Variants in MED13L observed in about 807,000 individuals in gnomAD.
The protein encoded by MED13L is mediator of RNA polymerase II transcription subunit 13-like.
Under a neutral mutation model 220.9 loss-of-function variants are expected in MED13L, and 7 were observed. The observed-to-expected ratio is 0.03, with a 90% CI of 0.02 to 0.06. The LOEUF (loss-of-function observed/expected upper bound fraction) is 0.06. Among genes scored for constraint, MED13L ranks in the 10% least tolerant of loss-of-function variants. MED13L has a pLI of 1.00. For synonymous variants in MED13L, 1,011 were observed against 1,015.2 expected (o/e 1.00, Z 0.08); for missense variants, 1,965 against 2,760.5 (o/e 0.71, Z 6.46).
At chr12:116,054,588 A>G (rs1216662727) in intron 4 of MED13L, among the ~76,000 whole-genome samples, 2 of 152,316 alleles carry the variant, frequency 1.3e-5, no homozygotes, top group South Asian at 2.1e-4. Flanking sequence ...TTTCATGTAA[A>G]CATTAATAAC....
intron 14 of MED13L, among the ~76,000 whole-genome samples, chr12:115,997,802 T>G (rs758337222): frequency 1.3e-5 from 2 of 152,198 alleles, no homozygotes; most frequent in Non-Finnish European, 2.9e-5. Flanking sequence ...TCTACATAAC[T>G]TGTATGTTTC....
At chr12:116,034,153 T>C (rs1881029386) in intron 4 of MED13L, among the ~76,000 whole-genome samples, 1 of 152,166 alleles carries the variant, frequency 6.6e-6, no homozygotes, top group Non-Finnish European at 1.5e-5. Context: ...TCTCTGTGTA[T>C]ACCTCAATCA....
At position 115,987,292 on chromosome 12, in the gene MED13L, G is replaced by A. The variant is rs1488364446; in HGVS notation, c.3935-4C>T. The A allele has an allele frequency of 6.2e-7, 1 of 1,611,774 alleles. No individual in the cohort carries two copies. Among genetic ancestry groups the A allele is most frequent in the Non-Finnish European group, 8.5e-7 (1 of 1,179,508 alleles). On this transcript the variant is annotated splice_polypyrimidine_tract_variant and splice_region_variant and intron_variant, in intron 17 of 30. Coordinates refer to ENST00000281928, the MANE Select transcript of MED13L (RefSeq NM_015335.5). Reference sequence around the variant, plus strand: ...GAGAGCATGCTGATGTCCAGCACTGGAAGAGAAGTGAGAAGAAACAGAGAA... The same window carrying A: ...GAGAGCATGCTGATGTCCAGCACTGAAAGAGAAGTGAGAAGAAACAGAGAA...
chr12:116,064,846 T>C (rs1284983250), intron 4 of MED13L, among the ~76,000 whole-genome samples: 3 of 152,168 alleles, frequency 2.0e-5, no homozygotes, highest in Non-Finnish European at 4.4e-5. Context: ...CTATAAATGG[T>C]ATGAGGACAA....
At chr12:116,245,498 CA>C (rs1359285528) in intron 1 of MED13L, among the ~76,000 whole-genome samples, 1 of 151,934 alleles carries the variant, frequency 6.6e-6, no homozygotes, top group East Asian at 1.9e-4. Context: ...ATTACAGAAA[CA>C]AAAACAAATG....
At chr12:116,061,265 T>C (rs969516577) in intron 4 of MED13L, among the ~76,000 whole-genome samples, 3 of 152,234 alleles carry the variant, frequency 2.0e-5, no homozygotes, top group African/African-American at 7.2e-5. Flanking sequence ...TATTATAAAA[T>C]TGTTGTATTT....
At position 116,152,674 on chromosome 12, in the gene MED13L, A is replaced by G. The variant is rs1393666056; in HGVS notation, c.311-41162T>C. 2.6e-5 allele frequency among the ~76,000 whole-genome samples: 4 copies of G among 152,200 alleles called. 1 individual carries two copies. The South Asian group carries it at 8.3e-4, about 31-fold the overall frequency. On this transcript the variant is annotated intron_variant, in intron 2 of 30. Coordinates refer to ENST00000281928, the MANE Select transcript of MED13L (RefSeq NM_015335.5). ...AGAGAAGGACTGTTCAACATTGGAA[A>G]ACAAATTTAGGAGAAATAATTAAAT...
chr12:115,969,442 A>G (rs1443438051), intron 27 of MED13L, among the ~76,000 whole-genome samples: 1 of 152,222 alleles, frequency 6.6e-6, no homozygotes, highest in East Asian at 1.9e-4. Flanking sequence ...ACCATTCAAA[A>G]ACACAGTAGA....
intron 2 of MED13L, among the ~76,000 whole-genome samples, chr12:116,192,144 G>T (rs969494706): frequency 1.6e-4 from 24 of 152,138 alleles, no homozygotes; most frequent in African/African-American, 5.6e-4. Flanking sequence ...ACGGAAGGGT[G>T]GTGGCTTTTG....
chr12:116,028,857 C>T (rs1309164643), intron 4 of MED13L, among the ~76,000 whole-genome samples: 1 of 152,138 alleles, frequency 6.6e-6, no homozygotes, highest in Non-Finnish European at 1.5e-5. Context: ...TAACCTCTTT[C>T]TCACCTTAAA....
At position 116,007,499 on chromosome 12, in the gene MED13L, G is replaced by A; in HGVS notation, c.2150C>T (p.Thr717Ile). 1.2e-6 allele frequency: 2 copies of A among 1,613,854 alleles called. No individual in the cohort carries two copies. The highest frequency in any genetic ancestry group is 8.5e-7 in the Non-Finnish European group (1 of 1,179,894). ...GTATTTTATGTCACCATCTTCAAAG[G>A]TATATGGGTCATTCACTTCTCCCAA... ...DSLGEVNDPY[T>I]FEDGDIKYIF... Residue 717 changes from threonine (T) to isoleucine (I), a missense_variant, in exon 11 of 31, where the codon ACC (threonine) becomes ATC (isoleucine). This residue lies in a region of MED13L where 818 missense variants were observed against 1,041.2 expected (regional missense o/e 0.79). Transcript: ENST00000281928.
At chr12:115,973,924 C>T (rs1876759332) in intron 25 of MED13L, among the ~76,000 whole-genome samples, 1 of 151,952 alleles carries the variant, frequency 6.6e-6, no homozygotes, top group Admixed American at 6.6e-5. Flanking sequence ...AATTTGATAC[C>T]AGATTTAACC....
At chr12:115,971,550 C>T (rs573203536) in intron 26 of MED13L, among the ~76,000 whole-genome samples, 1 of 152,300 alleles carries the variant, frequency 6.6e-6, no homozygotes, top group East Asian at 1.9e-4. Flanking sequence ...TCTGTGGCCA[C>T]GTTTTGGCCA....
At chr12:116,271,709 A>G (rs1873370131) in intron 1 of MED13L, among the ~76,000 whole-genome samples, 1 of 152,076 alleles carries the variant, frequency 6.6e-6, no homozygotes, top group Non-Finnish European at 1.5e-5. Context: ...TCAGATCTGC[A>G]CAAAATACAT....
At chr12:116,022,396 G>T (rs1351881918) in intron 5 of MED13L, 60 bp downstream of exon 5, 20 of 1,600,010 alleles carry the variant, frequency 1.2e-5, no homozygotes, top group Non-Finnish European at 1.7e-5. Context: ...ACTTTACTGG[G>T]CAAGATGGTT....
chr12:116,208,481 T>C (rs1393791335), intron 2 of MED13L, among the ~76,000 whole-genome samples: 1 of 152,202 alleles, frequency 6.6e-6, no homozygotes, highest in Admixed American at 6.5e-5. Flanking sequence ...AAATAGGAAC[T>C]CACAGGTCAT....
chr12:116,173,582 C>CT (rs1351167524), intron 2 of MED13L, among the ~76,000 whole-genome samples: 1 of 152,104 alleles, frequency 6.6e-6, no homozygotes, highest in Non-Finnish European at 1.5e-5. Context: ...AACTTGTCTC[C>CT]TTTCCTTGCA....
At chr12:116,124,158 C>CAGAGAGAGACAGAGAG (rs1875370876) in intron 2 of MED13L, among the ~76,000 whole-genome samples, 1 of 115,554 alleles carries the variant, frequency 8.7e-6, no homozygotes, top group South Asian at 3.1e-4. Context: ...GAGACAGAGA[C>CAGAGAGAGACAGAGAG]AGAGAGAGAC....
chr12:116,265,180 G>A (rs975093210), intron 1 of MED13L, among the ~76,000 whole-genome samples: 1 of 152,132 alleles, frequency 6.6e-6, no homozygotes, highest in South Asian at 2.1e-4. Flanking sequence ...GGTTCACCAC[G>A]ATTGTCTCTG....
Sources: gnomAD v4.1 joint callset for allele counts (sites outside exome capture counted in the v4.1 genomes callset) on GRCh38, gnomAD v4.1.1 for gene constraint, gnomAD v4.1.1 regional missense constraint, MANE v1.5 for transcripts, NCBI Gene and HGNC (gene_info 2026-07-23, HGNC 2026-07-21) for gene names.